Variants in PDXDC1 observed in about 807,000 individuals in gnomAD.
PDXDC1 encodes pyridoxal dependent decarboxylase domain containing 1, also known as pyridoxal-dependent decarboxylase domain-containing protein 1.
A neutral mutation model predicts 100.1 loss-of-function variants in PDXDC1; 42 were observed. The ratio of observed to expected loss-of-function variants is 0.42; its 90% CI spans 0.33 to 0.54. The LOEUF is 0.54. Ranked by LOEUF, PDXDC1 falls within the 20% of genes least tolerant of loss-of-function variation. The pLI, the probability that PDXDC1 is intolerant of heterozygous loss-of-function variation, is 0.10. For missense variants in PDXDC1, 636 were observed against 979.2 expected, an observed-to-expected ratio of 0.65 and a Z score of 4.68; for synonymous variants, 260 against 371.7, an observed-to-expected ratio of 0.70 and a Z score of 3.46.
intron 16 of PDXDC1, among the ~76,000 whole-genome samples, chr16:15,084,457 TAA>T (rs140423586): frequency 0.1 from 15,799 of 151,934 alleles, 887 homozygotes; most frequent in East Asian, 0.2. Flanking sequence ...GAAAAACAAT[TAA>T]AGAGAATAAA....
At chr16:15,145,663 C>T in the PDXDC1 span, among the ~76,000 whole-genome samples, 6 of 152,390 alleles carry the variant, frequency 3.9e-5, no homozygotes, top group East Asian at 7.7e-4. Flanking sequence ...CTGGGCACCC[C>T]GGCCCCTAGG....
chr16:15,104,841 T>C (rs2046733958), intron 16 of PDXDC1: 1 of 1,509,744 alleles, frequency 6.6e-7, no homozygotes, highest in Non-Finnish European at 8.8e-7. Context: ...CTGCACCTTC[T>C]GTTGCTGGTG....
intron 16 of PDXDC1, among the ~76,000 whole-genome samples, chr16:15,129,226 T>C (rs1315297680): frequency 6.6e-6 from 1 of 151,670 alleles, no homozygotes; most frequent in East Asian, 2.0e-4. Flanking sequence ...CCCAGCACTC[T>C]GGCAGGCCGA....
chr16:15,129,640 T>A (rs1354720500), intron 16 of PDXDC1, among the ~76,000 whole-genome samples: 5 of 152,254 alleles, frequency 3.3e-5, no homozygotes, highest in Non-Finnish European at 7.3e-5. Flanking sequence ...GCCACGCTAC[T>A]GTGCAGAATG....
chr16:15,125,973 C>G (rs971471113), intron 16 of PDXDC1: 13 of 601,708 alleles, frequency 2.2e-5, no homozygotes, highest in Non-Finnish European at 3.3e-5. Flanking sequence ...GGCAGCCCCT[C>G]GCGACGTGTG....
At chr16:15,086,817 T>C (rs2045932344) in intron 16 of PDXDC1, among the ~76,000 whole-genome samples, 1 of 152,212 alleles carries the variant, frequency 6.6e-6, no homozygotes, top group African/African-American at 2.4e-5. Context: ...GAACAATAGC[T>C]ACCTCTATTT....
intron 16 of PDXDC1, among the ~76,000 whole-genome samples, chr16:15,059,491 A>G (rs1395447914): frequency 6.6e-6 from 1 of 152,198 alleles, no homozygotes; most frequent in Non-Finnish European, 1.5e-5. Context: ...CCCATTTTAC[A>G]GTTTAATTAG....
chr16:15,007,752 C>T (rs1458887398), intron 6 of PDXDC1, among the ~76,000 whole-genome samples: 14 of 152,380 alleles, frequency 9.2e-5, no homozygotes, highest in African/African-American at 1.7e-4. Flanking sequence ...TCCTCTGAAA[C>T]GTGAAATGAA....
intron 1 of PDXDC1, among the ~76,000 whole-genome samples, chr16:14,992,330 TAGATA>T (rs1971037683): frequency 6.6e-6 from 1 of 152,272 alleles, no homozygotes; most frequent in Non-Finnish European, 1.5e-5. Flanking sequence ...AGGAGAGAGA[TAGATA>T]AAAGTCATGA....
intron 16 of PDXDC1, chr16:15,135,855 C>G: frequency 9.9e-6 from 15 of 1,520,602 alleles, no homozygotes; most frequent in Non-Finnish European, 1.3e-5. Context: ...GGCGTGTCCC[C>G]AAATGACACG....
chr16:15,141,359 G>A (rs1460180742), downstream of PDXDC1, among the ~76,000 whole-genome samples: 5 of 152,260 alleles, frequency 3.3e-5, no homozygotes, highest in Non-Finnish European at 7.3e-5. Context: ...CTCCGTGCCA[G>A]GAAGCAGCCC....
chr16:15,088,246 G>A (rs554273688), intron 16 of PDXDC1, among the ~76,000 whole-genome samples: 85 of 152,334 alleles, frequency 5.6e-4, no homozygotes, highest in African/African-American at 2.0e-3. Context: ...GGCCAAGGCA[G>A]GAGGAGACTG....
intron 6 of PDXDC1, among the ~76,000 whole-genome samples, chr16:15,006,836 A>G (rs965391311): frequency 6.6e-6 from 1 of 152,276 alleles, no homozygotes; most frequent in Non-Finnish European, 1.5e-5. Context: ...GTTTGTGTTT[A>G]TATGGTTGTA....
chr16:15,130,161 C>G, intron 16 of PDXDC1: 2 of 1,460,302 alleles, frequency 1.4e-6, no homozygotes, highest in Non-Finnish European at 1.9e-6. Context: ...CCAGGCCCTC[C>G]TCGACTCTGC....
chr16:15,038,002 A>C lies in PDXDC1; in HGVS notation c.*1727A>C, dbSNP rs548218225. The stretch of plus-strand genomic sequence containing the variant: ...CCCACCAATGGTCTGTCAGGCCAAG[A>C]AGGTGCTTTCTTTGGTAATTCATGT... On this transcript the variant is annotated 3_prime_UTR_variant, in exon 23 of 23. Transcript: ENST00000396410. The C allele has an allele frequency of 2.5e-6, 4 of 1,574,660 alleles. No homozygotes were observed. The African/African-American group carries it at 5.4e-5, about 21-fold the overall frequency.
At chr16:15,077,838 TCAAA>T (rs964481606) in intron 16 of PDXDC1, among the ~76,000 whole-genome samples, 13 of 152,278 alleles carry the variant, frequency 8.5e-5, no homozygotes, top group Admixed American at 1.3e-4. Context: ...AGACACCATC[TCAAA>T]CAAACAAACA....
intron 16 of PDXDC1, chr16:15,073,117 A>G (rs760416535): frequency 1.2e-5 from 19 of 1,595,958 alleles, no homozygotes; most frequent in African/African-American, 1.4e-5. Context: ...TTTTATAAAG[A>G]CATATTTTCA....
chr16:15,129,296 G>A (rs1338513100), intron 16 of PDXDC1, among the ~76,000 whole-genome samples: 2 of 151,046 alleles, frequency 1.3e-5, no homozygotes, highest in Non-Finnish European at 3.0e-5. Flanking sequence ...AAATTAACTG[G>A]GTGTGGTGGC....
At chr16:14,992,855 T>C (rs1971143908) in intron 1 of PDXDC1, among the ~76,000 whole-genome samples, 1 of 152,224 alleles carries the variant, frequency 6.6e-6, no homozygotes, top group African/African-American at 2.4e-5. Flanking sequence ...TATACTTTTT[T>C]TTTTTTTTCT....
Sources: gnomAD v4.1 joint callset for allele counts (sites outside exome capture counted in the v4.1 genomes callset) on GRCh38, gnomAD v4.1.1 for gene constraint, MANE v1.5 for transcripts, NCBI Gene and HGNC (gene_info 2026-07-23, HGNC 2026-07-21) for gene names.